The following TCF20 variants were observed in gnomAD, a reference collection of about 807,000 sequenced individuals.
The protein encoded by TCF20 is transcription factor 20, also known as SPRE-binding protein.
In TCF20, 3 loss-of-function variants were observed where a neutral mutation model predicts 148.6. The observed-to-expected ratio is 0.02, with a 90% CI of 0.01 to 0.05. The LOEUF (loss-of-function observed/expected upper bound fraction) is 0.05, where lower values mean the gene tolerates loss of function less well. Ranked by LOEUF, TCF20 falls within the 10% of genes least tolerant of loss-of-function variation. TCF20 has a pLI of 1.00. For missense variants in TCF20, 2,350 were observed against 2,429.3 expected, an observed-to-expected ratio of 0.97 and a Z score of 0.69; for synonymous variants, 1,049 against 909.5, an observed-to-expected ratio of 1.15 and a Z score of -2.76.
chr22:42,327,755 G>A (rs1927900727), intron 1 of TCF20, among the ~76,000 whole-genome samples: 1 of 151,284 alleles, frequency 6.6e-6, no homozygotes. Flanking sequence ...CAGATTCACA[G>A]AATCCAAAAG....
At chr22:42,235,178 C>T (rs1262962533) in intron 1 of TCF20, among the ~76,000 whole-genome samples, 2 of 151,052 alleles carry the variant, frequency 1.3e-5, no homozygotes, top group Non-Finnish European at 1.5e-5. Flanking sequence ...AAATGTCTGT[C>T]GCTCTAGACC....
chr22:42,194,521 G>C (rs1051161750), intron 2 of TCF20, among the ~76,000 whole-genome samples: 1 of 152,024 alleles, frequency 6.6e-6, no homozygotes, highest in South Asian at 2.1e-4. Context: ...ATGTACCCTA[G>C]TGAAGGAACA....
chr22:42,219,366 A>AAAAAAAAAAAAC (rs1922133100), intron 1 of TCF20, among the ~76,000 whole-genome samples: 1 of 96,996 alleles, frequency 1.0e-5, no homozygotes, highest in African/African-American at 3.6e-5. Context: ...AAAAAAAAAA[A>AAAAAAAAAAAAC]AAAAAAAAAA....
intron 1 of TCF20, among the ~76,000 whole-genome samples, chr22:42,260,689 G>GC (rs1206315621): frequency 6.6e-6 from 1 of 152,106 alleles, no homozygotes; most frequent in Non-Finnish European, 1.5e-5. Context: ...TCACTGTGTT[G>GC]CCCAGGCCTT....
At chr22:42,311,096 GGAATCGGGGGA>G in intron 1 of TCF20, among the ~76,000 whole-genome samples, 1 of 152,178 alleles carries the variant, frequency 6.6e-6, no homozygotes, top group African/African-American at 2.4e-5. Context: ...CACGAGTGCA[GGAATCGGGGGA>G]CAGGGGGGTG....
chr22:42,179,257 G>A (rs1420770098), intron 3 of TCF20, among the ~76,000 whole-genome samples: 2 of 151,796 alleles, frequency 1.3e-5, no homozygotes, highest in Admixed American at 1.3e-4. Flanking sequence ...TCACACAAAT[G>A]CTTGCATGTG....
At chr22:42,251,091 G>T (rs1012217367) in intron 1 of TCF20, among the ~76,000 whole-genome samples, 2 of 152,184 alleles carry the variant, frequency 1.3e-5, no homozygotes, top group African/African-American at 4.8e-5. Context: ...AATTCAACAT[G>T]AGATTTGGGC....
intron 2 of TCF20, among the ~76,000 whole-genome samples, chr22:42,202,894 G>A (rs1361255578): frequency 1.3e-5 from 2 of 152,180 alleles, no homozygotes; most frequent in African/African-American, 4.8e-5. Context: ...CGAGGCTGAG[G>A]CTGAGTCACC....
chr22:42,170,626 C>CCAAAAAAAAAA (rs1936072852), intron 3 of TCF20, among the ~76,000 whole-genome samples: 1 of 72,100 alleles, frequency 1.4e-5, no homozygotes, highest in South Asian at 5.3e-4. Context: ...GACTCCGTCT[C>CCAAAAAAAAAA]AAAAAAAAAA....
intron 1 of TCF20, among the ~76,000 whole-genome samples, chr22:42,311,027 T>C (rs1367957733): frequency 6.6e-6 from 1 of 152,150 alleles, no homozygotes; most frequent in African/African-American, 2.4e-5. Flanking sequence ...TTAGGAACCG[T>C]ATGGCTGGCC....
chr22:42,258,878 T>TAA (rs1569190876), intron 1 of TCF20, among the ~76,000 whole-genome samples: 1 of 152,172 alleles, frequency 6.6e-6, no homozygotes, highest in African/African-American at 2.4e-5. Flanking sequence ...AAAAAACACA[T>TAA]AAAAGAGTTC....
intron 1 of TCF20, among the ~76,000 whole-genome samples, chr22:42,321,708 A>C (rs1258473387): frequency 6.6e-6 from 1 of 151,828 alleles, no homozygotes; most frequent in Non-Finnish European, 1.5e-5. Context: ...GCACTTTGGA[A>C]GGCGGAGGTG....
intron 2 of TCF20, among the ~76,000 whole-genome samples, chr22:42,182,681 G>T (rs1936838180): frequency 6.6e-6 from 1 of 152,198 alleles, no homozygotes; most frequent in Non-Finnish European, 1.5e-5. Flanking sequence ...TTGAAGTGTG[G>T]TCCCCTGGAA....
chr22:42,325,447 C>T (rs1927858132), intron 1 of TCF20, among the ~76,000 whole-genome samples: 1 of 152,252 alleles, frequency 6.6e-6, no homozygotes, highest in African/African-American at 2.4e-5. Flanking sequence ...CCCTTTCCTG[C>T]CCAGTAAACC....
Position 42,213,395 on chromosome 22 carries a change from C to G in TCF20, c.1911G>C (p.Arg637Ser). ...SQEDDPAATQ[R>S]PPSNGGAKET... ...CCTTTGCCCCACCATTGCTAGGTGGCCTTTGAGTGGCTGCAGGATCATCCT... is the reference window on the plus strand; with the variant it reads ...CCTTTGCCCCACCATTGCTAGGTGGGCTTTGAGTGGCTGCAGGATCATCCT... The change falls in exon 2 of 6, where the codon AGG becomes AGC. Residue 637 changes from arginine to serine, a missense_variant. Coordinates refer to ENST00000677622, the MANE Select transcript of TCF20 (RefSeq NM_001378418.1). The G allele has an allele frequency of 6.2e-7, 1 of 1,614,166 alleles. No individual in the cohort carries two copies. The highest frequency in any genetic ancestry group is 8.5e-7 in the Non-Finnish European group (1 of 1,180,034).
chr22:42,316,999 T>C (rs1014236197), intron 1 of TCF20, among the ~76,000 whole-genome samples: 36 of 152,308 alleles, frequency 2.4e-4, no homozygotes, highest in African/African-American at 8.4e-4. Flanking sequence ...ACCCCTTTGC[T>C]GCCAAGTGGA....
rs75571919 is a variant in TCF20, at chr22:42,179,551, A to T, written c.5749+58T>A. 4.3e-3 allele frequency: 5,100 copies of T among 1,190,284 alleles called. 95 individuals are homozygous for T. The African/African-American group carries it at 0.046, about 11-fold the overall frequency. The allele number at this position is 1,190,284 out of a possible 1,614,324, so 73.7% of individuals were successfully genotyped here. On this transcript the variant is annotated intron_variant, in intron 3 of 5. Transcript: ENST00000677622. ...AAAAACAACGACAACAGAGAGAATC[A>T]AACTGTATGTCCTAATCCTTTGGAT...
At chr22:42,208,958 A>C (rs1428765141) in intron 2 of TCF20, among the ~76,000 whole-genome samples, 1 of 152,238 alleles carries the variant, frequency 6.6e-6, no homozygotes, top group Non-Finnish European at 1.5e-5. Flanking sequence ...GAAGATCCTC[A>C]AACTTTCCAG....
chr22:42,254,292 A>G (rs888947956), intron 1 of TCF20, among the ~76,000 whole-genome samples: 1 of 149,396 alleles, frequency 6.7e-6, no homozygotes, highest in Non-Finnish European at 1.5e-5. Context: ...CCAGGATGGT[A>G]CTTCCCAGCT....
Sources: allele counts gnomAD v4.1 joint callset (sites outside exome capture counted in the v4.1 genomes callset), GRCh38; gene constraint gnomAD v4.1.1; transcripts MANE v1.5; gene names NCBI Gene and HGNC (gene_info 2026-07-23, HGNC 2026-07-21).